Variants in ZNF521 observed in about 807,000 individuals in gnomAD.
The protein encoded by ZNF521 is LYST-interacting protein 3.
In ZNF521, 14 loss-of-function variants were observed where a neutral mutation model predicts 105.5. The ratio of observed to expected loss-of-function variants is 0.13; its 90% CI spans 0.09 to 0.21. The LOEUF is 0.21. ZNF521 is among the 10% of genes least tolerant of loss of function. The probability of loss-of-function intolerance (pLI) is 1.00; values close to 1 mark genes in which losing one functional copy is unlikely to be tolerated. For missense variants in ZNF521, 1,233 were observed against 1,629.7 expected (o/e 0.76, Z 4.19); for synonymous variants, 635 against 606.0 (o/e 1.05, Z -0.70).
Position 25,247,424 on chromosome 18 carries a change from A to G in ZNF521, c.221-19727T>C, listed in dbSNP as rs141853330. ...GCAAACATTTGTGATCAGGGAATCAATGGTGTAAAATGACTACAAAGAGGA... is the reference window on the plus strand; with the variant it reads ...GCAAACATTTGTGATCAGGGAATCAGTGGTGTAAAATGACTACAAAGAGGA... On this transcript the variant is annotated intron_variant, in intron 3 of 7. Transcript: ENST00000361524. Among the ~76,000 whole-genome samples the G allele has an allele frequency of 6.6e-5, 10 of 152,356 alleles. No homozygotes were observed. The East Asian group carries it at 1.7e-3, about 26-fold the overall frequency.
chr18:25,201,402 C>T (rs1485277295), intron 4 of ZNF521: 1 of 152,184 alleles, frequency 6.6e-6, no homozygotes. Flanking sequence ...GGATTAAACC[C>T]TAATTACCAC....
intron 7 of ZNF521, among the ~76,000 whole-genome samples, chr18:25,088,407 G>T (rs1339321731): frequency 1.3e-5 from 2 of 151,706 alleles, no homozygotes; most frequent in Non-Finnish European, 2.9e-5. Flanking sequence ...TTTTAGTAGA[G>T]ATGGGGTTTC....
chr18:25,284,708 T>TA (rs1910586613), intron 3 of ZNF521, among the ~76,000 whole-genome samples: 2 of 150,344 alleles, frequency 1.3e-5, no homozygotes, highest in South Asian at 2.1e-4. Context: ...AAAAGCACCA[T>TA]AAAAAAAGAG....
intron 5 of ZNF521, among the ~76,000 whole-genome samples, chr18:25,111,044 T>A (rs898032695): frequency 5.3e-5 from 8 of 152,012 alleles, no homozygotes; most frequent in Non-Finnish European, 7.4e-5. Context: ...ATTACAGGCG[T>A]GAGCCACCAC....
intron 4 of ZNF521, among the ~76,000 whole-genome samples, chr18:25,206,014 G>GT (rs1279448941): frequency 2.6e-5 from 4 of 151,544 alleles, no homozygotes; most frequent in Middle Eastern, 3.4e-3. Flanking sequence ...TTGTTTTTTT[G>GT]TTTTTTTGAG....
At chr18:25,349,500 G>C (rs958449536) in intron 2 of ZNF521, among the ~76,000 whole-genome samples, 44 of 152,222 alleles carry the variant, frequency 2.9e-4, no homozygotes. Context: ...CAATCTGCGA[G>C]GCCCTCCCCC....
chr18:25,083,755 T>C (rs2033555960), intron 7 of ZNF521, among the ~76,000 whole-genome samples: 1 of 10,794 alleles, frequency 9.3e-5, no homozygotes, highest in South Asian at 9.3e-3. Flanking sequence ...ATATATATAT[T>C]TTGTTTGTTT....
intron 3 of ZNF521, among the ~76,000 whole-genome samples, chr18:25,254,154 A>G (rs1908310182): frequency 6.6e-6 from 1 of 152,098 alleles, no homozygotes; most frequent in African/African-American, 2.4e-5. Flanking sequence ...GCTCTATATC[A>G]ACTTCACCAG....
chr18:25,238,249 T>A (rs1907059668), intron 3 of ZNF521, among the ~76,000 whole-genome samples: 1 of 152,108 alleles, frequency 6.6e-6, no homozygotes, highest in Admixed American at 6.5e-5. Context: ...GTTTCTCTTT[T>A]AAAAAAAATT....
At chr18:25,349,744 A>G (rs1385262263) in intron 2 of ZNF521, among the ~76,000 whole-genome samples, 6 of 151,020 alleles carry the variant, frequency 4.0e-5, no homozygotes, top group African/African-American at 1.5e-4. Context: ...GCCGGGGACC[A>G]GAGGGCGGGG....
At chr18:25,323,840 C>A (rs1368090123) in intron 2 of ZNF521, among the ~76,000 whole-genome samples, 1 of 151,956 alleles carries the variant, frequency 6.6e-6, no homozygotes, top group South Asian at 2.1e-4. Flanking sequence ...CTTCAATAAA[C>A]AACTATATCA....
intron 3 of ZNF521, among the ~76,000 whole-genome samples, chr18:25,294,946 A>C (rs1911244326): frequency 6.6e-6 from 1 of 150,788 alleles, no homozygotes; most frequent in African/African-American, 2.4e-5. Flanking sequence ...TCTTTCACAT[A>C]GTTTCTTTTA....
chr18:25,101,206 T>C (rs2033959594), intron 5 of ZNF521, among the ~76,000 whole-genome samples: 1 of 152,144 alleles, frequency 6.6e-6, no homozygotes, highest in South Asian at 2.1e-4. Flanking sequence ...TGGTTAGAAC[T>C]GTGTGGGTCC....
At chr18:25,249,540 C>T (rs144354485) in intron 3 of ZNF521, among the ~76,000 whole-genome samples, 470 of 152,108 alleles carry the variant, frequency 3.1e-3, no homozygotes, top group Admixed American at 4.8e-3. Flanking sequence ...TGGCTCACTG[C>T]AGCCTCTGCC....
intron 3 of ZNF521, among the ~76,000 whole-genome samples, chr18:25,311,782 T>A (rs1912323629): frequency 6.6e-6 from 1 of 152,210 alleles, no homozygotes; most frequent in African/African-American, 2.4e-5. Context: ...GAAACCACAG[T>A]TAGATCATTA....
chr18:25,150,891 C>CTTTTTTTTT (rs559303954), intron 5 of ZNF521, among the ~76,000 whole-genome samples: 2 of 132,200 alleles, frequency 1.5e-5, no homozygotes, highest in East Asian at 2.2e-4. Context: ...TTTCTTTTTT[C>CTTTTTTTTT]TTTTTTTTTT....
Position 25,195,254 on chromosome 18 carries a change from C to A in ZNF521, c.3574-10G>T, listed in dbSNP as rs1162567672. On this transcript the variant is annotated splice_polypyrimidine_tract_variant and intron_variant, in intron 4 of 7. Coordinates refer to ENST00000361524, the MANE Select transcript of ZNF521 (RefSeq NM_015461.3). Reference sequence around the variant, plus strand: ...ATTGATAGGTCTTCTTCTGAGAAAACAAGTATAAACAGAGTTACTTAGACA... The same window carrying A: ...ATTGATAGGTCTTCTTCTGAGAAAAAAAGTATAAACAGAGTTACTTAGACA... 1 of 1,562,572 alleles carries A rather than the reference C, an allele frequency of 6.4e-7. No individual in the cohort carries two copies. The highest frequency in any genetic ancestry group is 1.7e-4 in the Middle Eastern group (1 of 5,928).
At chr18:25,222,151 T>C (rs1177768063) in intron 4 of ZNF521, among the ~76,000 whole-genome samples, 1 of 152,188 alleles carries the variant, frequency 6.6e-6, no homozygotes, top group Non-Finnish European at 1.5e-5. Context: ...CTCGACTGCA[T>C]AGTCATTTTT....
chr18:25,069,401 A>G (rs1363934158), intron 7 of ZNF521, among the ~76,000 whole-genome samples: 1 of 152,202 alleles, frequency 6.6e-6, no homozygotes. Context: ...CAAAGTCCAC[A>G]CAATTACAAA....
Sources: allele counts gnomAD v4.1 joint callset (sites outside exome capture counted in the v4.1 genomes callset), GRCh38; gene constraint gnomAD v4.1.1; transcripts MANE v1.5; gene names NCBI Gene and HGNC (gene_info 2026-07-23, HGNC 2026-07-21).